The following LARP4B variants were observed in gnomAD, a reference collection of about 807,000 sequenced individuals.
The protein encoded by LARP4B is la-related protein 4B.
LARP4B carries 12 observed loss-of-function variants against 89.8 expected under a neutral mutation model. That is an observed-to-expected ratio of 0.13 (90% CI 0.09 to 0.22). The LOEUF (loss-of-function observed/expected upper bound fraction) is 0.22. Among genes scored for constraint, LARP4B ranks in the 10% least tolerant of loss-of-function variants. LARP4B has a pLI of 1.00. For synonymous variants in LARP4B, 367 were observed against 363.3 expected (o/e 1.01, Z -0.12); for missense variants, 757 against 947.7 (o/e 0.80, Z 2.64).
intron 15 of LARP4B, among the ~76,000 whole-genome samples, chr10:816,997 G>A (rs1280149785): frequency 6.6e-6 from 1 of 152,182 alleles, no homozygotes; most frequent in Non-Finnish European, 1.5e-5. Context: ...GGCACAGCTG[G>A]GGAAAGGGCC....
At chr10:830,235 G>A (rs979450636) in intron 9 of LARP4B, among the ~76,000 whole-genome samples, 13 of 151,946 alleles carry the variant, frequency 8.6e-5, no homozygotes, top group African/African-American at 1.7e-4. Context: ...AATATCATCC[G>A]ACCACATTCG....
chr10:901,023 G>T (rs747501556), intron 1 of LARP4B, among the ~76,000 whole-genome samples: 2 of 150,178 alleles, frequency 1.3e-5, no homozygotes, highest in Non-Finnish European at 3.0e-5. Flanking sequence ...GGGTTCAAGC[G>T]ATTCTCCTGC....
At chr10:898,752 C>T (rs879888102) in intron 1 of LARP4B, among the ~76,000 whole-genome samples, 2 of 152,216 alleles carry the variant, frequency 1.3e-5, no homozygotes, top group East Asian at 1.9e-4. Context: ...GCTTTCTCCA[C>T]GTTACCAAAT....
At chr10:817,991 T>A in intron 14 of LARP4B, 102 bp from the exon 15 acceptor site, 1 of 1,196,810 alleles carries the variant, frequency 8.4e-7, no homozygotes, top group Non-Finnish European at 1.2e-6. Flanking sequence ...AACAAGCAGA[T>A]CATTCAACCC....
intron 11 of LARP4B, 110 bp downstream of exon 11, chr10:829,275 G>T (rs142835606): frequency 1.7e-5 from 15 of 878,910 alleles, no homozygotes; most frequent in Non-Finnish European, 2.2e-5. Context: ...GTCTGTTTTA[G>T]TATGTCAGAC....
rs1328267286 is a variant in LARP4B, at chr10:838,005, GTACACACATACATCA to G, written c.647-1514_647-1500del. Among the ~76,000 whole-genome samples the G allele has an allele frequency of 3.9e-5, 6 of 152,022 alleles. No individual in the cohort carries two copies. In the East Asian group the frequency reaches 9.6e-4, roughly 24 times the overall value. On this transcript the variant is annotated intron_variant, in intron 7 of 17. Transcript: ENST00000316157. ...AATCACGTGTAATACATATTTAAGT[GTACACACATACATCA>G]TTGACAATGTGACCGTGGAGCAAAG...
the LARP4B span, among the ~76,000 whole-genome samples, chr10:954,132 G>A: frequency 6.6e-5 from 10 of 152,324 alleles, no homozygotes; most frequent in South Asian, 1.0e-3. This position sits in a 1 kb window ranked among gnomAD's most constrained non-coding sequence, Gnocchi z 5.0. Context: ...CTGGATCTCC[G>A]TGGCCTTGGG....
rs529963345 is a variant in LARP4B at position 900,420 on chromosome 10, C to CT, written c.-39-14661dup. 9.0e-3 allele frequency among the ~76,000 whole-genome samples: 405 copies of CT among 45,198 alleles called. 113 individuals are homozygous for CT. Among genetic ancestry groups the CT allele is most frequent in the South Asian group, 0.015 (11 of 712 alleles). The allele number at this position is 45,198 out of a possible 152,430, so 29.7% of individuals were successfully genotyped here. A position where few individuals can be genotyped will look rare whatever the true frequency, so the allele number is the denominator to read the frequency against. ...ATTCTAGGATCGGAAAGAAGGATGT[C>CT]TTTTTTTTTTTTTTTTTTTTTTTTT... On this transcript the variant is annotated intron_variant, in intron 1 of 17. Transcript: ENST00000316157.
At chr10:949,434 C>G in the LARP4B span, among the ~76,000 whole-genome samples, 2 of 152,220 alleles carry the variant, frequency 1.3e-5, no homozygotes, top group Admixed American at 1.3e-4. Context: ...CATCTTACAT[C>G]CCACCAGTCC....
At chr10:900,828 A>G (rs922533846) in intron 1 of LARP4B, among the ~76,000 whole-genome samples, 4 of 150,804 alleles carry the variant, frequency 2.7e-5, no homozygotes, top group Admixed American at 2.6e-4. Flanking sequence ...CACACTGGCC[A>G]GGCTGGTCTC....
rs1460513499 is a variant in LARP4B at position 931,163 on chromosome 10, G to T, written c.-40+265C>A. ...CCATCCTCAGCCCCAGTTTTCCCCT[G>T]CCCCGGCCCCGGTCCTCCTCAGCCC... On this transcript the variant is annotated intron_variant, in intron 1 of 17. Coordinates refer to ENST00000316157, the MANE Select transcript of LARP4B (RefSeq NM_015155.3). Among the ~76,000 whole-genome samples the T allele has an allele frequency of 1.3e-4, 20 of 148,388 alleles. 1 individual carries two copies. Among genetic ancestry groups the T allele is most frequent in the African/African-American group, 4.9e-4 (20 of 40,560 alleles).
chr10:974,604 G>A, the LARP4B span, among the ~76,000 whole-genome samples: 3 of 152,176 alleles, frequency 2.0e-5, no homozygotes, highest in Non-Finnish European at 4.4e-5. Context: ...CTGTCATCTG[G>A]AAAGCACTGC....
chr10:943,776 G>C, the LARP4B span, among the ~76,000 whole-genome samples: 1 of 152,062 alleles, frequency 6.6e-6, no homozygotes, highest in Non-Finnish European at 1.5e-5. Flanking sequence ...AGGAGGGCCC[G>C]GGTCGGGAGG....
intron 1 of LARP4B, among the ~76,000 whole-genome samples, chr10:913,806 C>T (rs965362255): frequency 3.9e-5 from 6 of 151,988 alleles, no homozygotes; most frequent in South Asian, 2.1e-4. Flanking sequence ...CTACTTGGGA[C>T]GCTGAGGTGG....
At chr10:837,826 G>A (rs1273107159) in intron 7 of LARP4B, among the ~76,000 whole-genome samples, 3 of 151,994 alleles carry the variant, frequency 2.0e-5, no homozygotes, top group African/African-American at 2.4e-5. Flanking sequence ...CTTGGACCAA[G>A]CAAAGATTTC....
At chr10:957,588 C>T in the LARP4B span, among the ~76,000 whole-genome samples, 2 of 152,056 alleles carry the variant, frequency 1.3e-5, no homozygotes, top group East Asian at 1.9e-4. Flanking sequence ...ACTTTGTATA[C>T]CAAAAATATA....
At chr10:929,435 A>C (rs535208676) in intron 1 of LARP4B, among the ~76,000 whole-genome samples, 10 of 152,152 alleles carry the variant, frequency 6.6e-5, no homozygotes, top group Non-Finnish European at 1.2e-4. Flanking sequence ...TCTCTACTAA[A>C]AATACAAAAA....
intron 3 of LARP4B, among the ~76,000 whole-genome samples, chr10:870,463 G>A (rs1475511191): frequency 1.3e-5 from 2 of 152,178 alleles, no homozygotes; most frequent in African/African-American, 4.8e-5. Context: ...CTGTGTATCT[G>A]TCCGCTAGGG....
chr10:833,422 T>C (rs1029421287), intron 8 of LARP4B, among the ~76,000 whole-genome samples: 6 of 151,610 alleles, frequency 4.0e-5, no homozygotes, highest in African/African-American at 1.5e-4. Context: ...TTATACCTAA[T>C]ATGCCAAAAA....
Sources: gnomAD v4.1 joint callset for allele counts (sites outside exome capture counted in the v4.1 genomes callset) on GRCh38, gnomAD v4.1.1 for gene constraint, Gnocchi (gnomAD v3.1) non-coding constraint, MANE v1.5 for transcripts, NCBI Gene and HGNC (gene_info 2026-07-23, HGNC 2026-07-21) for gene names.